Variants in STON2 observed in about 807,000 individuals in gnomAD.
STON2 encodes the protein stonin 2, also known as stonin-2.
In STON2, 29 loss-of-function variants were observed where a neutral mutation model predicts 65.7. That is an observed-to-expected ratio of 0.44 (90% CI 0.33 to 0.60). The LOEUF (loss-of-function observed/expected upper bound fraction) is 0.60. Ranked by LOEUF, STON2 falls within the 20% of genes least tolerant of loss-of-function variation. STON2 has a pLI of 0.03. For missense variants in STON2, 1,054 were observed against 1,118.1 expected, an observed-to-expected ratio of 0.94 and a Z score of 0.82; for synonymous variants, 404 against 414.2, an observed-to-expected ratio of 0.98 and a Z score of 0.30.
intron 7 of STON2, 176 bp downstream of exon 7, chr14:81,270,494 A>T: frequency 6.6e-7 from 1 of 1,511,236 alleles, no homozygotes; most frequent in Non-Finnish European, 8.9e-7. Context: ...CACTAGCCAG[A>T]TTATGCATTT....
intron 4 of STON2, among the ~76,000 whole-genome samples, chr14:81,350,511 G>A (rs895891853): frequency 6.6e-6 from 1 of 151,698 alleles, no homozygotes; most frequent in African/African-American, 2.4e-5. Context: ...AGAGAGGAAT[G>A]AAATGAAAAA....
At chr14:81,336,491 T>A (rs1897376932) in intron 4 of STON2, among the ~76,000 whole-genome samples, 1 of 151,778 alleles carries the variant, frequency 6.6e-6, no homozygotes. Flanking sequence ...GAAGGTGGAT[T>A]TGGAAAATAC....
At position 81,260,933 on chromosome 14, in the gene STON2, T is replaced by C. The variant is rs1894115065; in HGVS notation, c.*7481A>G. ...CACTGGATCTTGGGTTCATCCATCCTGACGCACTGAAATTTATTACAGACA... is the reference window on the plus strand; with the variant it reads ...CACTGGATCTTGGGTTCATCCATCCCGACGCACTGAAATTTATTACAGACA... On this transcript the variant is annotated 3_prime_UTR_variant, in exon 8 of 8. Coordinates refer to ENST00000614646, the MANE Select transcript of STON2 (RefSeq NM_001394390.1). The C allele has an allele frequency of 1.3e-5, 2 of 152,228 alleles. No individual in the cohort carries two copies. Among genetic ancestry groups the C allele is most frequent in the Admixed American group, 6.5e-5 (1 of 15,280 alleles). The allele number at this position is 152,228 out of a possible 1,614,324, so 9.4% of individuals were successfully genotyped here.
chr14:81,369,063 T>A (rs1898869127), intron 4 of STON2, among the ~76,000 whole-genome samples: 1 of 152,160 alleles, frequency 6.6e-6, no homozygotes, highest in Admixed American at 6.5e-5. Context: ...GGGAATTTAT[T>A]CCTCCCTATC....
chr14:81,393,402 C>T (rs868734135), intron 3 of STON2, among the ~76,000 whole-genome samples: 21 of 151,890 alleles, frequency 1.4e-4, no homozygotes, highest in Admixed American at 2.0e-4. Context: ...GCAGAGGATA[C>T]TAGAGCAGCA....
intron 4 of STON2, among the ~76,000 whole-genome samples, chr14:81,325,962 G>T (rs1031090857): frequency 6.6e-6 from 1 of 151,436 alleles, no homozygotes; most frequent in Non-Finnish European, 1.5e-5. Flanking sequence ...ACAGAGAAAC[G>T]AATTTCTTCC....
chr14:81,269,659 T>C (rs1433687228), intron 7 of STON2: 9 of 985,134 alleles, frequency 9.1e-6, no homozygotes, highest in Non-Finnish European at 1.1e-5. Flanking sequence ...CCCACACAGC[T>C]AAGGAAACAT....
At position 81,264,442 on chromosome 14, in the gene STON2, C is replaced by T. The variant is rs1302055657; in HGVS notation, c.*3972G>A. ...ATTTATTGAATACATACTCATTTTC[C>T]TTTATTTCATGAGTATACGTTTGCC... On this transcript the variant is annotated 3_prime_UTR_variant, in exon 8 of 8. Transcript: ENST00000614646. 1 of 985,240 alleles carries T rather than the reference C, an allele frequency of 1.0e-6. No homozygotes were observed. The highest frequency in any genetic ancestry group is 1.2e-6 in the Non-Finnish European group (1 of 829,916). 61.0% of individuals were successfully genotyped at this position (985,240 alleles called of 1,614,324 possible).
chr14:81,291,749 T>C (rs1023791806), intron 5 of STON2, among the ~76,000 whole-genome samples: 1 of 151,996 alleles, frequency 6.6e-6, no homozygotes, highest in Non-Finnish European at 1.5e-5. Context: ...AACTAACACA[T>C]TTATTCTAAA....
At chr14:81,435,297 G>A (rs1011014936) in intron 1 of STON2, among the ~76,000 whole-genome samples, 2 of 152,110 alleles carry the variant, frequency 1.3e-5, no homozygotes, top group African/African-American at 2.4e-5. Context: ...AAGCTGTTCA[G>A]AGCTGCAAAT....
intron 4 of STON2, among the ~76,000 whole-genome samples, chr14:81,342,272 T>C (rs1043419166): frequency 6.6e-6 from 1 of 151,920 alleles, no homozygotes; most frequent in South Asian, 2.1e-4. Flanking sequence ...GTAGCTGGGA[T>C]TGCAGGCACC....
chr14:81,404,827 A>G (rs1234830914), upstream of STON2, among the ~76,000 whole-genome samples: 1 of 152,220 alleles, frequency 6.6e-6, no homozygotes, highest in South Asian at 2.1e-4. Context: ...TTCCTATTGG[A>G]CAGCAATGCT....
chr14:81,408,781 T>C (rs539117548), intron 2 of STON2, among the ~76,000 whole-genome samples: 5 of 152,190 alleles, frequency 3.3e-5, no homozygotes, highest in Non-Finnish European at 4.4e-5. Context: ...TTGCCTCTGA[T>C]CTTTGGTGCA....
chr14:81,350,152 C>T (rs1326138723), intron 4 of STON2, among the ~76,000 whole-genome samples: 2 of 151,982 alleles, frequency 1.3e-5, no homozygotes, highest in African/African-American at 4.8e-5. Flanking sequence ...GGTAAGATGA[C>T]TATAGTTAAC....
chr14:81,408,192 T>C (rs184253058), intron 2 of STON2, among the ~76,000 whole-genome samples: 24 of 151,812 alleles, frequency 1.6e-4, no homozygotes, highest in Admixed American at 9.2e-4. Flanking sequence ...AATAGGTACC[T>C]TGATGCTCCT....
intron 2 of STON2, among the ~76,000 whole-genome samples, chr14:81,424,172 G>A (rs980585278): frequency 3.3e-5 from 5 of 152,068 alleles, no homozygotes; most frequent in South Asian, 2.1e-4. Context: ...AATCAGGCAC[G>A]GTGGCTCATG....
At position 81,263,107 on chromosome 14, in the gene STON2, A is replaced by T. The variant is rs1894214805; in HGVS notation, c.*5307T>A. 2 of 985,316 alleles carry T rather than the reference A, an allele frequency of 2.0e-6. No individual in the cohort carries two copies. Among genetic ancestry groups the T allele is most frequent in the Non-Finnish European group, 2.4e-6 (2 of 829,882 alleles). The allele number at this position is 985,316 out of a possible 1,614,324, so 61.0% of individuals were successfully genotyped here. ...TTTACCAAATGATATTTTTTTGTGG[A>T]TTTAATTTTTTGTTAGTTTTGCTTG... On this transcript the variant is annotated 3_prime_UTR_variant, in exon 8 of 8. Transcript: ENST00000614646.
intron 5 of STON2, among the ~76,000 whole-genome samples, chr14:81,298,421 G>T (rs1200111186): frequency 4.6e-5 from 3 of 64,968 alleles, no homozygotes; most frequent in Non-Finnish European, 7.4e-5. Flanking sequence ...AGATGGGGGG[G>T]GGGAATCACA....
intron 1 of STON2, among the ~76,000 whole-genome samples, chr14:81,398,824 T>TA (rs1287494137): frequency 3.3e-5 from 5 of 152,218 alleles, no homozygotes; most frequent in African/African-American, 1.2e-4. Flanking sequence ...TTTCAGCAAT[T>TA]AGATTCTCTA....
Sources: gnomAD v4.1 joint callset for allele counts (sites outside exome capture counted in the v4.1 genomes callset) on GRCh38, gnomAD v4.1.1 for gene constraint, MANE v1.5 for transcripts, NCBI Gene and HGNC (gene_info 2026-07-23, HGNC 2026-07-21) for gene names.